Variants in AHDC1 observed in about 807,000 individuals in gnomAD.
The protein encoded by AHDC1 is transcription factor Gibbin.
Under a neutral mutation model 87.9 loss-of-function variants are expected in AHDC1, and 7 were observed. That is an observed-to-expected ratio of 0.08 (90% CI 0.05 to 0.15). AHDC1 has a LOEUF of 0.15. AHDC1 is among the 10% of genes least tolerant of loss of function. The pLI, the probability that AHDC1 is intolerant of heterozygous loss-of-function variation, is 1.00. For synonymous variants in AHDC1, 1,051 were observed against 1,006.8 expected, an observed-to-expected ratio of 1.04 and a Z score of -0.83; for missense variants, 1,841 against 2,253.2, an observed-to-expected ratio of 0.82 and a Z score of 3.70.
chr1:27,556,415 C>T (rs1175731252), intron 5 of AHDC1, among the ~76,000 whole-genome samples: 2 of 152,038 alleles, frequency 1.3e-5, no homozygotes, highest in African/African-American at 4.8e-5. Flanking sequence ...ATTACTGCTG[C>T]TCTGAGACCT....
At chr1:27,539,172 C>T (rs1437959610) in intron 8 of AHDC1, among the ~76,000 whole-genome samples, 7 of 144,500 alleles carry the variant, frequency 4.8e-5, no homozygotes, top group Non-Finnish European at 7.5e-5. Context: ...TAGGGTCTCA[C>T]TCTGTCACCC....
intron 8 of AHDC1, among the ~76,000 whole-genome samples, chr1:27,537,056 C>A (rs2018672954): frequency 6.6e-6 from 1 of 152,192 alleles, no homozygotes; most frequent in South Asian, 2.1e-4. Context: ...CCCCAGCTTT[C>A]AGGACTTGGC....
chr1:27,603,143 A>ACCCCCCCCCCCCCCCCCCCCCCCCCCCC (rs1156376060), intron 3 of AHDC1, among the ~76,000 whole-genome samples: 2 of 110,424 alleles, frequency 1.8e-5, no homozygotes, highest in Admixed American at 8.5e-5. Context: ...AAACCCGAGA[A>ACCCCCCCCCCCCCCCCCCCCCCCCCCCC]CCCCCCCTCC....
rs1205715324 is a variant in AHDC1, at chr1:27,595,010, G to A, written c.-629+8387C>T. 1.3e-5 allele frequency among the ~76,000 whole-genome samples: 2 copies of A among 151,988 alleles called. No individual in the cohort carries two copies. Among genetic ancestry groups the A allele is most frequent in the Non-Finnish European group, 2.9e-5 (2 of 68,006 alleles). On this transcript the variant is annotated intron_variant, in intron 3 of 8. Coordinates refer to ENST00000673934, the MANE Select transcript of AHDC1 (RefSeq NM_001371928.1). The surrounding 1 kb of genome is among the most constrained non-coding windows in gnomAD (Gnocchi z 4.0). ...GACTGTCTGGGAAGCGGTGGGGCCG[G>A]GCCATTAGGACTGCCTGTCGAGGAG...
chr1:27,602,328 C>T (rs2089552132), intron 3 of AHDC1, among the ~76,000 whole-genome samples: 1 of 152,196 alleles, frequency 6.6e-6, no homozygotes, highest in Admixed American at 6.5e-5. Context: ...CAGCTCCCGC[C>T]TCCGGCCAGC....
Position 27,560,686 on chromosome 1 carries a change from C to T in AHDC1, c.-628-1803G>A, listed in dbSNP as rs532213930. ...CTTATTGTGTGTCTGTGTACCACAG[C>T]GTGTCTCTGTGTATGTCAGTGGGTC... is the stretch of plus-strand genomic sequence containing the variant. On this transcript the variant is annotated intron_variant, in intron 3 of 8. Transcript: ENST00000673934. The surrounding 1 kb of genome is among the most constrained non-coding windows in gnomAD (Gnocchi z 4.1). Among the ~76,000 whole-genome samples the T allele has an allele frequency of 3.9e-5, 6 of 152,184 alleles. No homozygotes were observed. In the East Asian group the frequency reaches 1.2e-3, roughly 29 times the overall value.
At chr1:27,579,400 CCA>C (rs980968465) in intron 3 of AHDC1, among the ~76,000 whole-genome samples, 3 of 152,136 alleles carry the variant, frequency 2.0e-5, no homozygotes, top group African/African-American at 4.8e-5. Flanking sequence ...CCACCCCACC[CCA>C]GTTTTCCGTG....
rs758990586 is a variant in AHDC1, at chr1:27,549,191, C to A, written c.2925G>T (p.Gly975=). 1 of 1,592,306 alleles carries A rather than the reference C, an allele frequency of 6.3e-7. No individual in the cohort carries two copies. Among genetic ancestry groups the A allele is most frequent in the East Asian group, 2.2e-5 (1 of 44,590 alleles). ...NTYLPQYGGY[G]AGQSVFAPTK... is the part of the protein sequence containing the mutation. ...TTGGGGCGAATACGCTTTGTCCGGC[C>A]CCATAGCCGCCGTACTGGGGCAGGT... is the stretch of plus-strand genomic sequence containing the variant. Residue 975 remains glycine, a synonymous_variant, in exon 8 of 9, where the codon GGG becomes GGT. Coordinates refer to ENST00000673934, the MANE Select transcript of AHDC1 (RefSeq NM_001371928.1).
At chr1:27,579,537 T>G (rs1188388307) in intron 3 of AHDC1, among the ~76,000 whole-genome samples, 1 of 152,226 alleles carries the variant, frequency 6.6e-6, no homozygotes, top group Non-Finnish European at 1.5e-5. Context: ...ACCTTTCATG[T>G]TAACTTGCCA....
At chr1:27,600,258 C>G (rs1033895888) in intron 3 of AHDC1, among the ~76,000 whole-genome samples, 1 of 151,976 alleles carries the variant, frequency 6.6e-6, no homozygotes, top group African/African-American at 2.4e-5. Context: ...GTCCCCAGCT[C>G]CACTCCATCC....
chr1:27,549,053 G>C lies in AHDC1; in HGVS notation c.3063C>G (p.Ala1021=), dbSNP rs574226832. 6.4e-7 allele frequency: 1 copy of C among 1,573,618 alleles called. No homozygotes were observed. The highest frequency in any genetic ancestry group is 8.6e-7 in the Non-Finnish European group (1 of 1,159,568). ...SPSSAHSAGY[A]PPPTGGPCLP... The stretch of plus-strand genomic sequence containing the variant: ...GGCAGGGGCCCCCGGTAGGCGGTGG[G>C]GCATAGCCGGCGCTGTGGGCGCTGC... Residue 1021 remains alanine (A), a synonymous_variant, in exon 8 of 9, where the codon GCC becomes GCG. Coordinates refer to ENST00000673934, the MANE Select transcript of AHDC1 (RefSeq NM_001371928.1).
At chr1:27,601,266 G>A (rs1356324374) in intron 3 of AHDC1, among the ~76,000 whole-genome samples, 2 of 152,254 alleles carry the variant, frequency 1.3e-5, no homozygotes, top group South Asian at 4.1e-4. Context: ...GAGCCCAGGC[G>A]GAGGAGAGCG....
intron 3 of AHDC1, among the ~76,000 whole-genome samples, chr1:27,583,064 C>T (rs755882276): frequency 6.6e-5 from 10 of 152,204 alleles, no homozygotes; most frequent in Non-Finnish European, 1.0e-4. Flanking sequence ...CATGGGGTTT[C>T]ACCATGTTGG....
At position 27,561,449 on chromosome 1, in the gene AHDC1, A is replaced by T. The variant is rs1353918514; in HGVS notation, c.-628-2566T>A. On this transcript the variant is annotated intron_variant, in intron 3 of 8. Transcript: ENST00000673934. This position sits in a 1 kb window ranked among gnomAD's most constrained non-coding sequence, Gnocchi z 4.2. ...CACCCAGTGTAAATGAACTTCCAAC[A>T]GTGCCCACACAGGCTGGGGGAGCTG... 6.6e-6 allele frequency among the ~76,000 whole-genome samples: 1 copy of T among 152,218 alleles called. No homozygotes were observed. The highest frequency in any genetic ancestry group is 2.4e-5 in the African/African-American group (1 of 41,460).
At chr1:27,581,571 C>T (rs1254234655) in intron 3 of AHDC1, among the ~76,000 whole-genome samples, 1 of 152,212 alleles carries the variant, frequency 6.6e-6, no homozygotes, top group East Asian at 1.9e-4. Context: ...ACTCCTTCCT[C>T]CAGTCCAAGT....
intron 3 of AHDC1, among the ~76,000 whole-genome samples, chr1:27,592,211 G>T (rs2089241151): frequency 6.6e-6 from 1 of 152,178 alleles, no homozygotes; most frequent in Admixed American, 6.5e-5. Flanking sequence ...GAGGGTAGGG[G>T]GCTGCAACAG....
chr1:27,566,570 G>A (rs1289981443), intron 3 of AHDC1, among the ~76,000 whole-genome samples: 1 of 150,606 alleles, frequency 6.6e-6, no homozygotes, highest in African/African-American at 2.5e-5. Context: ...GCCCCACAGC[G>A]ACAGTCGGAG....
chr1:27,584,308 A>G (rs977548525), intron 3 of AHDC1, among the ~76,000 whole-genome samples: 4 of 151,932 alleles, frequency 2.6e-5, no homozygotes, highest in Admixed American at 1.3e-4. Context: ...GGATCTTAGC[A>G]TCTAGATGGA....
At chr1:27,591,566 G>T (rs2089223971) in intron 3 of AHDC1, among the ~76,000 whole-genome samples, 1 of 152,206 alleles carries the variant, frequency 6.6e-6, no homozygotes, top group African/African-American at 2.4e-5. Flanking sequence ...AGTCCTCACA[G>T]CCACCCAAGT....
Sources: gnomAD v4.1 joint callset for allele counts (sites outside exome capture counted in the v4.1 genomes callset) on GRCh38, gnomAD v4.1.1 for gene constraint, Gnocchi (gnomAD v3.1) non-coding constraint, MANE v1.5 for transcripts, NCBI Gene and HGNC (gene_info 2026-07-23, HGNC 2026-07-21) for gene names.